The following VCAM1 variants were observed in gnomAD, a reference collection of about 807,000 sequenced individuals.
VCAM1 encodes the protein vascular cell adhesion molecule 1.
Under a neutral mutation model 63.8 loss-of-function variants are expected in VCAM1, and 41 were observed. The ratio of observed to expected loss-of-function variants is 0.64; its 90% CI spans 0.50 to 0.83. The LOEUF (loss-of-function observed/expected upper bound fraction) is 0.83. Ranked by LOEUF, VCAM1 falls within the 40% of genes least tolerant of loss-of-function variation. The pLI, the probability that VCAM1 is intolerant of heterozygous loss-of-function variation, is 0.00. For missense variants in VCAM1, 798 were observed against 875.5 expected (o/e 0.91, Z 1.12); for synonymous variants, 338 against 320.7 (o/e 1.05, Z -0.58).
chr1:100,738,366 T>C lies in VCAM1; in HGVS notation c.*83T>C, dbSNP rs549123893. 42 of 1,449,768 alleles carry C rather than the reference T, an allele frequency of 2.9e-5. No homozygotes were observed. Among genetic ancestry groups the C allele is most frequent in the Non-Finnish European group, 3.6e-5 (39 of 1,071,766 alleles). The allele number at this position is 1,449,768 out of a possible 1,614,324, so 89.8% of individuals were successfully genotyped here. On this transcript the variant is annotated 3_prime_UTR_variant, in exon 9 of 9. Transcript: ENST00000294728. The stretch of plus-strand genomic sequence containing the variant: ...GCTCATCATTCCTTGAGAAAAACAA[T>C]GAGCTGAGAGGCAGACTTCCCTGAA...
chr1:100,735,895 A>G (rs1660631392), intron 8 of VCAM1: 1 of 152,212 alleles, frequency 6.6e-6, no homozygotes, highest in African/African-American at 2.4e-5. Context: ...ACTTTGTATC[A>G]TGTCACTCAA....
intron 4 of VCAM1, among the ~76,000 whole-genome samples, chr1:100,726,371 A>C (rs1159348089): frequency 6.6e-6 from 1 of 152,098 alleles, no homozygotes; most frequent in Non-Finnish European, 1.5e-5. Flanking sequence ...TTAAACAAAA[A>C]GGTGCTCATT....
In VCAM1 at chr1:100,729,236, G is replaced by A; in HGVS notation, c.1058G>A (p.Ser353Asn). The change falls in exon 5 of 9, where the codon AGC becomes AAC. Residue 353 changes from serine (S) to asparagine (N), a missense_variant. By Grantham distance (46) the Ser-to-Asn change is conservative. Transcript: ENST00000294728. The part of the protein sequence containing the change: ...PSFSWRTQID[S>N]PLSGKVRSEG... Reference sequence around the variant, plus strand: ...TTCTCCTGGAGAACCCAGATAGACAGCCCTCTGAGCGGGAAGGTGAGGAGT... The same window carrying A: ...TTCTCCTGGAGAACCCAGATAGACAACCCTCTGAGCGGGAAGGTGAGGAGT... 6.2e-7 allele frequency: 1 copy of A among 1,613,524 alleles called. No homozygotes were observed.
chr1:100,727,183 T>G (rs1239215779), intron 4 of VCAM1, among the ~76,000 whole-genome samples: 2 of 151,922 alleles, frequency 1.3e-5, no homozygotes. Context: ...AGTCTTTTGT[T>G]TGTTTTAGGA....
Position 100,723,130 on chromosome 1 carries a change from G to A in VCAM1, c.451G>A (p.Asp151Asn). ...DVYPFDRLEI[D>N]LLKGDHLMKS... is the part of the protein sequence containing the mutation. Reference sequence around the variant, plus strand: ...ATACCCATTTGACAGGCTGGAGATAGACTTACTGAAAGGAGATCATCTCAT... The same window carrying A: ...ATACCCATTTGACAGGCTGGAGATAAACTTACTGAAAGGAGATCATCTCAT... Residue 151 changes from aspartate (D) to asparagine (N), a missense_variant, in exon 3 of 9, where the codon GAC becomes AAC. Asp to Asn is a conservative substitution (Grantham distance 23, BLOSUM62 1). Transcript: ENST00000294728. The A allele has an allele frequency of 1.2e-6, 2 of 1,613,126 alleles. No homozygotes were observed. Among genetic ancestry groups the A allele is most frequent in the South Asian group, 2.2e-5 (2 of 91,060 alleles).
rs571341244 is a variant in VCAM1, at chr1:100,738,491, T to G, written c.*208T>G. ...TGAAGAACAGTAACTGCCATCAAGA[T>G]GAGAGAACTGGAGGAGTTCCTTGAT... On this transcript the variant is annotated 3_prime_UTR_variant, in exon 9 of 9. Coordinates refer to ENST00000294728, the MANE Select transcript of VCAM1 (RefSeq NM_001078.4). The G allele has an allele frequency of 2.2e-5, 10 of 458,482 alleles. No homozygotes were observed. In the East Asian group the frequency reaches 3.5e-4, roughly 16 times the overall value. 28.4% of individuals were successfully genotyped at this position (458,482 alleles called of 1,614,324 possible).
chr1:100,720,682 C>T lies in VCAM1; in HGVS notation c.271C>T (p.His91Tyr), dbSNP rs199733528. Reference protein sequence around the residue: ...TMNPVSFGNEHSYLCTATCES... With the variant: ...TMNPVSFGNEYSYLCTATCES... ...GAATCCTGTTAGTTTTGGGAACGAA[C>T]ACTCTTACCTGTGCACAGCAACTTG... is the stretch of plus-strand genomic sequence containing the variant. The change falls in exon 2 of 9, where the codon CAC (histidine) becomes TAC (tyrosine). Residue 91 changes from histidine to tyrosine, a missense_variant. Physicochemically the swap from His to Tyr is moderately conservative, Grantham distance 83. Coordinates refer to ENST00000294728, the MANE Select transcript of VCAM1 (RefSeq NM_001078.4). The T allele has an allele frequency of 6.2e-7, 1 of 1,613,260 alleles. No individual in the cohort carries two copies. Among genetic ancestry groups the T allele is most frequent in the East Asian group, 2.2e-5 (1 of 44,832 alleles).
intron 8 of VCAM1, chr1:100,735,359 C>T (rs3917070): frequency 6.5e-6 from 1 of 152,838 alleles, no homozygotes; most frequent in Non-Finnish European, 1.5e-5. Flanking sequence ...GGAGAAACTT[C>T]AGGGGCCCCT....
chr1:100,736,446 T>A (rs1454198590), intron 8 of VCAM1: 1 of 152,154 alleles, frequency 6.6e-6, no homozygotes, highest in African/African-American at 2.4e-5. Context: ...TCATCAGGAT[T>A]TTTAAAAGAT....
At chr1:100,735,221 T>C (rs1156816025) in intron 8 of VCAM1, 2 of 155,280 alleles carry the variant, frequency 1.3e-5, no homozygotes, top group East Asian at 1.9e-4. Context: ...TAATTGGGAA[T>C]AGTAAACTTG....
Position 100,723,078 on chromosome 1 carries a change from C to T in VCAM1, c.399C>T (p.Ile133=). 1.9e-6 allele frequency: 3 copies of T among 1,612,876 alleles called. No homozygotes were observed. The highest frequency in any genetic ancestry group is 2.7e-5 in the African/African-American group (2 of 74,964). ...GCCCTCTGGAGGCTGGGAAGCCGAT[C>T]ACAGTCAAGTGTTCAGTTGCTGATG... The part of the protein sequence containing the change: ...LSGPLEAGKP[I]TVKCSVADVY... The change falls in exon 3 of 9, where the codon ATC becomes ATT. Residue 133 remains isoleucine (I), a synonymous_variant. Coordinates refer to ENST00000294728, the MANE Select transcript of VCAM1 (RefSeq NM_001078.4).
chr1:100,727,905 T>C (rs1037523999), intron 4 of VCAM1, among the ~76,000 whole-genome samples: 2 of 152,146 alleles, frequency 1.3e-5, no homozygotes, highest in African/African-American at 2.4e-5. Context: ...AAATAACTTA[T>C]GGCATAGATG....
chr1:100,736,934 G>A (rs906866056), intron 8 of VCAM1: 1 of 152,160 alleles, frequency 6.6e-6, no homozygotes, highest in South Asian at 2.1e-4. Context: ...CAATGTATAT[G>A]CCACTTAGTG....
At position 100,723,334 on chromosome 1, in the gene VCAM1, G is replaced by A. The variant is rs1660036016; in HGVS notation, c.655G>A (p.Val219Ile). Residue 219 changes from valine (V) to isoleucine (I), a missense_variant, in exon 3 of 9, where the codon GTC becomes ATC. Transcript: ENST00000294728. ...AAGGCAGGCTGTAAAAGAATTGCAA[G>A]TCTACAGTAAGTACTTGTGCGATGT... ...TVRQAVKELQ[V>I]YISPKNTVIS... The A allele has an allele frequency of 6.2e-7, 1 of 1,611,840 alleles. No individual in the cohort carries two copies. Among genetic ancestry groups the A allele is most frequent in the East Asian group, 2.2e-5 (1 of 44,830 alleles).
chr1:100,732,518 G>T lies in VCAM1; in HGVS notation c.1626G>T (p.Pro542=). ...GCTTGAGCCAGGGCTTTCCTGCTCC[G>T]AAAATCCTGTGGAGCAGGCAGCTCC... is the stretch of plus-strand genomic sequence containing the variant. ...MTCLSQGFPA[P]KILWSRQLPN... Residue 542 remains proline (P), a synonymous_variant, in exon 7 of 9, where the codon CCG becomes CCT. Coordinates refer to ENST00000294728, the MANE Select transcript of VCAM1 (RefSeq NM_001078.4). 1.2e-6 allele frequency: 2 copies of T among 1,612,988 alleles called. No homozygotes were observed. The highest frequency in any genetic ancestry group is 8.5e-7 in the Non-Finnish European group (1 of 1,179,624).
chr1:100,729,443 A>G, intron 5 of VCAM1, 61 bp downstream of exon 5: 1 of 1,499,680 alleles, frequency 6.7e-7, no homozygotes, highest in Non-Finnish European at 8.9e-7. Context: ...AAGAAAAAGA[A>G]TGCAAGTCTG....
intron 2 of VCAM1, among the ~76,000 whole-genome samples, chr1:100,721,935 G>C (rs1297666232): frequency 6.6e-6 from 1 of 152,064 alleles, no homozygotes; most frequent in Non-Finnish European, 1.5e-5. Context: ...AGAATTTCCA[G>C]CTCCTTTGTC....
rs3176870 is a variant in VCAM1 at position 100,731,627 on chromosome 1, G to A, written c.1525+109G>A. The stretch of plus-strand genomic sequence containing the variant: ...GTTAAAACCTCTGTGGAGAAAAAAC[G>A]TTACTGAAAAGAAATTTCAAAATAA... On this transcript the variant is annotated intron_variant, in intron 6 of 8. Coordinates refer to ENST00000294728, the MANE Select transcript of VCAM1 (RefSeq NM_001078.4). The surrounding 1 kb of genome is among the most constrained non-coding windows in gnomAD (Gnocchi z 4.2). 0.062 allele frequency: 65,436 copies of A among 1,050,858 alleles called. 3,677 individuals are homozygous for A. The highest frequency in any genetic ancestry group is 0.24 in the East Asian group (9,247 of 38,286). 65.1% of individuals were successfully genotyped at this position (1,050,858 alleles called of 1,614,324 possible).
In VCAM1 at chr1:100,731,977, G is replaced by T. The variant is rs1660479013; in HGVS notation, c.1526-441G>T. Among the ~76,000 whole-genome samples the T allele has an allele frequency of 6.6e-6, 1 of 152,138 alleles. No homozygotes were observed. Among genetic ancestry groups the T allele is most frequent in the Non-Finnish European group, 1.5e-5 (1 of 68,028 alleles). ...TGTAAATGAAAGCAGCCTCTTCAAGGCCTGGGTTTGGAAGTCCTACAGTGT... is the reference window on the plus strand; with the variant it reads ...TGTAAATGAAAGCAGCCTCTTCAAGTCCTGGGTTTGGAAGTCCTACAGTGT... On this transcript the variant is annotated intron_variant, in intron 6 of 8. Coordinates refer to ENST00000294728, the MANE Select transcript of VCAM1 (RefSeq NM_001078.4). This position sits in a 1 kb window ranked among gnomAD's most constrained non-coding sequence, Gnocchi z 4.2.
Sources: gnomAD v4.1 joint callset for allele counts (sites outside exome capture counted in the v4.1 genomes callset) on GRCh38, gnomAD v4.1.1 for gene constraint, Gnocchi (gnomAD v3.1) non-coding constraint, MANE v1.5 for transcripts, NCBI Gene and HGNC (gene_info 2026-07-23, HGNC 2026-07-21) for gene names.